ALDH1L2: variants seen among roughly 807,000 people sequenced by gnomAD.
ALDH1L2 encodes the protein mitochondrial 10-formyltetrahydrofolate dehydrogenase.
Under a neutral mutation model 111.0 loss-of-function variants are expected in ALDH1L2, and 91 were observed. That is an observed-to-expected ratio of 0.82 (90% CI 0.69 to 0.98). ALDH1L2 has a LOEUF of 0.98. Ranked by LOEUF, ALDH1L2 falls within the 50% of genes least tolerant of loss-of-function variation. ALDH1L2 has a pLI of 0.00. For missense variants in ALDH1L2, 995 were observed against 1,126.8 expected (o/e 0.88, Z 1.67); for synonymous variants, 374 against 392.6 (o/e 0.95, Z 0.56).
At chr12:105,070,427 G>A (rs1470436415) in intron 3 of ALDH1L2, 143 bp downstream of exon 3, 8 of 671,374 alleles carry the variant, frequency 1.2e-5, no homozygotes, top group Non-Finnish European at 2.0e-5. Flanking sequence ...AAGTCTCACT[G>A]GGTGTTCTGG....
intron 10 of ALDH1L2, among the ~76,000 whole-genome samples, chr12:105,056,621 C>T (rs1876646767): frequency 6.6e-6 from 1 of 151,390 alleles, no homozygotes; most frequent in Non-Finnish European, 1.5e-5. Flanking sequence ...ATTCATATGA[C>T]AATAATGGCA....
chr12:105,026,461 TCA>T, intron 22 of ALDH1L2, 82 bp downstream of exon 22: 1 of 1,513,912 alleles, frequency 6.6e-7, no homozygotes, highest in Non-Finnish European at 9.0e-7. Flanking sequence ...CCCCTCAAAG[TCA>T]CACACAAGTC....
At position 105,060,964 on chromosome 12, in the gene ALDH1L2, TA is replaced by T; in HGVS notation, c.1139+16del. On this transcript the variant is annotated intron_variant, in intron 9 of 22. Coordinates refer to ENST00000258494, the MANE Select transcript of ALDH1L2 (RefSeq NM_001034173.4). ...AGTGAGGGAATCCCTAGTGAGTCAATAAGGGCGTGGTTTTACCTGGCAACAT... is the reference window on the plus strand; with the variant it reads ...AGTGAGGGAATCCCTAGTGAGTCAATAGGGCGTGGTTTTACCTGGCAACAT... 1 of 1,606,666 alleles carries T rather than the reference TA, an allele frequency of 6.2e-7. No homozygotes were observed. Among genetic ancestry groups the T allele is most frequent in the East Asian group, 2.2e-5 (1 of 44,684 alleles).
chr12:105,072,144 G>GTA (rs1486241396), intron 2 of ALDH1L2, among the ~76,000 whole-genome samples: 1 of 138,560 alleles, frequency 7.2e-6, no homozygotes. Flanking sequence ...ATATATAATT[G>GTA]TATATATTAA....
At chr12:105,043,955 A>G (rs1321240462) in intron 15 of ALDH1L2, among the ~76,000 whole-genome samples, 1 of 152,242 alleles carries the variant, frequency 6.6e-6, no homozygotes, top group East Asian at 1.9e-4. Flanking sequence ...CAAAGCAGAC[A>G]ACAGGTTTAA....
intron 4 of ALDH1L2, among the ~76,000 whole-genome samples, chr12:105,067,319 G>A (rs1877431903): frequency 6.6e-6 from 1 of 152,018 alleles, no homozygotes; most frequent in African/African-American, 2.4e-5. Context: ...TTTGTATCCA[G>A]GTCTATCTAT....
At chr12:105,051,785 T>A (rs1876281713) in intron 12 of ALDH1L2, among the ~76,000 whole-genome samples, 1 of 96,526 alleles carries the variant, frequency 1.0e-5, no homozygotes, top group African/African-American at 3.3e-5. Flanking sequence ...TTGCTTCTTT[T>A]TTTTCCTTTT....
intron 10 of ALDH1L2, among the ~76,000 whole-genome samples, chr12:105,056,088 G>A (rs10861330): frequency 0.39 from 59,718 of 151,744 alleles, 12,977 homozygotes; most frequent in Middle Eastern, 0.61. Context: ...ATTCTAATGG[G>A]AAAATTCAAA....
In ALDH1L2 at chr12:105,077,090, G is replaced by A. The variant is rs550016385; in HGVS notation, c.49-3085C>T. Among the ~76,000 whole-genome samples the A allele has an allele frequency of 1.8e-4, 28 of 152,254 alleles. No individual in the cohort carries two copies. In the South Asian group the frequency reaches 3.9e-3, roughly 21 times the overall value. ...ATAGCAACAGTTTGACAGGTCAATT[G>A]GGAATAGTTCCATCAGCCTGTTTAA... is the stretch of plus-strand genomic sequence containing the variant. On this transcript the variant is annotated intron_variant, in intron 1 of 22. Coordinates refer to ENST00000258494, the MANE Select transcript of ALDH1L2 (RefSeq NM_001034173.4).
chr12:105,071,808 C>T (rs1877748155), intron 2 of ALDH1L2, among the ~76,000 whole-genome samples: 1 of 150,544 alleles, frequency 6.6e-6, no homozygotes, highest in African/African-American at 2.4e-5. Flanking sequence ...AAAAATCGGT[C>T]AGGCACAGTG....
rs374255885 is a variant in ALDH1L2 at position 105,036,019 on chromosome 12, TTA to T, written c.2146-1623_2146-1622del. Among the ~76,000 whole-genome samples, 33 of 84,576 alleles carry T rather than the reference TTA, an allele frequency of 3.9e-4. 8 individuals are homozygous for T. Among genetic ancestry groups the T allele is most frequent in the East Asian group, 3.7e-3 (5 of 1,336 alleles). The allele number at this position is 84,576 out of a possible 152,430, so 55.5% of individuals were successfully genotyped here. ...GTATATTTATATATGTGTATATATATTATATATATACGTATATTTATATATGT... is the reference window on the plus strand; with the variant it reads ...GTATATTTATATATGTGTATATATATTATATATACGTATATTTATATATGT... On this transcript the variant is annotated intron_variant, in intron 18 of 22. Coordinates refer to ENST00000258494, the MANE Select transcript of ALDH1L2 (RefSeq NM_001034173.4).
chr12:105,045,984 TAAC>T (rs1396860716), intron 15 of ALDH1L2, among the ~76,000 whole-genome samples: 1 of 151,882 alleles, frequency 6.6e-6, no homozygotes, highest in East Asian at 1.9e-4. Flanking sequence ...CAGCCAGTGT[TAAC>T]TTGGCTGCCA....
At chr12:105,046,676 A>G (rs757055947) in intron 15 of ALDH1L2, 34 bp downstream of exon 15, 3 of 1,571,132 alleles carry the variant, frequency 1.9e-6, no homozygotes, top group Non-Finnish European at 1.8e-6. Flanking sequence ...ATAAGAGAGG[A>G]GGCAATTCTG....
Position 105,036,554 on chromosome 12 carries a change from ATATATATATAT to A in ALDH1L2, c.2145+1538_2145+1548del, listed in dbSNP as rs1475529343. On this transcript the variant is annotated intron_variant, in intron 18 of 22. Transcript: ENST00000258494. ...TATATATATATATATATATATATAT[ATATATATATAT>A]AAAATGGATGTGGCTGGGTGCAGTG... Among the ~76,000 whole-genome samples, 2 of 44,464 alleles carry A rather than the reference ATATATATATAT, an allele frequency of 4.5e-5. 1 individual carries two copies. The highest frequency in any genetic ancestry group is 6.9e-5 in the Non-Finnish European group (2 of 28,830). The allele number at this position is 44,464 out of a possible 152,430, so 29.2% of individuals were successfully genotyped here.
In ALDH1L2 at chr12:105,031,962, C is replaced by G. The variant is rs535330336; in HGVS notation, c.2245-28G>C. On this transcript the variant is annotated intron_variant, in intron 19 of 22. Transcript: ENST00000258494. ...GTATGTTACCCAGTCCATAAAAACA[C>G]AATTCACTGTTAATAATAATGGAGT... is the stretch of plus-strand genomic sequence containing the variant. 5.5e-5 allele frequency: 89 copies of G among 1,607,990 alleles called. No individual in the cohort carries two copies. The East Asian group carries it at 1.9e-3, about 35-fold the overall frequency.
At chr12:105,060,848 A>AAAG (rs35427764) in intron 9 of ALDH1L2, 133 bp downstream of exon 9, 1 of 569,162 alleles carries the variant, frequency 1.8e-6, no homozygotes, top group Non-Finnish European at 2.9e-6. Flanking sequence ...AAAAAAAAAA[A>AAAG]GATGAGTCAT....
intron 1 of ALDH1L2, among the ~76,000 whole-genome samples, chr12:105,074,665 A>C (rs948479537): frequency 6.6e-6 from 1 of 152,068 alleles, no homozygotes; most frequent in Non-Finnish European, 1.5e-5. Flanking sequence ...GGATTCGCTA[A>C]TGTTCTGGCA....
intron 6 of ALDH1L2, among the ~76,000 whole-genome samples, chr12:105,063,679 T>G (rs1877155430): frequency 2.7e-5 from 4 of 148,530 alleles, no homozygotes; most frequent in African/African-American, 1.0e-4. Flanking sequence ...GGTGGGGAGG[T>G]GTTGGGGGTG....
chr12:105,063,849 C>A (rs73179949), intron 6 of ALDH1L2, among the ~76,000 whole-genome samples: 59,680 of 151,854 alleles, frequency 0.39, 12,953 homozygotes, highest in Middle Eastern at 0.61. Flanking sequence ...TATTATTGCA[C>A]TTCTAGGATG....
Sources: gnomAD v4.1 joint callset for allele counts (sites outside exome capture counted in the v4.1 genomes callset) on GRCh38, gnomAD v4.1.1 for gene constraint, MANE v1.5 for transcripts, NCBI Gene and HGNC (gene_info 2026-07-23, HGNC 2026-07-21) for gene names.